Variants in ASIC2 observed in about 807,000 individuals in gnomAD.
The protein encoded by ASIC2 is acid-sensing ion channel 2.
A neutral mutation model predicts 57.3 loss-of-function variants in ASIC2; 25 were observed. The ratio of observed to expected loss-of-function variants is 0.44; its 90% CI spans 0.32 to 0.61. The LOEUF (loss-of-function observed/expected upper bound fraction) is 0.61, where lower values mean the gene tolerates loss of function less well. ASIC2 is among the 20% of genes least tolerant of loss of function. ASIC2 has a pLI of 0.06. For missense variants in ASIC2, 641 were observed against 738.1 expected (o/e 0.87, Z 1.52); for synonymous variants, 319 against 307.5 (o/e 1.04, Z -0.39).
intron 1 of ASIC2, among the ~76,000 whole-genome samples, chr17:33,380,799 T>A (rs904656000): frequency 1.4e-4 from 21 of 152,228 alleles, no homozygotes; most frequent in Admixed American, 6.5e-5. Flanking sequence ...TGCCTCATAA[T>A]TGCTGCTATT....
chr17:34,132,305 G>C (rs1912002205), intron 1 of ASIC2, among the ~76,000 whole-genome samples: 1 of 152,274 alleles, frequency 6.6e-6, no homozygotes, highest in African/African-American at 2.4e-5. Context: ...CAGACCCAAA[G>C]AGTGAGCAGC....
At chr17:33,679,015 C>G (rs58254115) in intron 1 of ASIC2, among the ~76,000 whole-genome samples, 27,954 of 152,062 alleles carry the variant, frequency 0.18, 2,774 homozygotes, top group African/African-American at 0.25. Flanking sequence ...TGTCTACAAG[C>G]AAGGTGACTT....
At chr17:33,609,292 T>G (rs933595109) in intron 1 of ASIC2, among the ~76,000 whole-genome samples, 1 of 152,186 alleles carries the variant, frequency 6.6e-6, no homozygotes, top group African/African-American at 2.4e-5. Context: ...CCCAATGCAC[T>G]TGGGATAAAC....
At chr17:33,960,744 C>T (rs17193172) in intron 1 of ASIC2, among the ~76,000 whole-genome samples, 13,966 of 152,182 alleles carry the variant, frequency 0.092, 855 homozygotes, top group Middle Eastern at 0.17. Flanking sequence ...CTAAGTCCTA[C>T]GATTCCTTCA....
intron 1 of ASIC2, among the ~76,000 whole-genome samples, chr17:34,115,324 C>A (rs568768999): frequency 3.9e-5 from 6 of 152,290 alleles, no homozygotes; most frequent in Middle Eastern, 3.4e-3. Flanking sequence ...ATCTGAATTG[C>A]AGTGCACTAG....
At chr17:33,494,302 A>T (rs1913857949) in intron 1 of ASIC2, among the ~76,000 whole-genome samples, 1 of 152,166 alleles carries the variant, frequency 6.6e-6, no homozygotes, top group Admixed American at 6.5e-5. Context: ...GACTTCTGAG[A>T]TGAGGGCCTG....
chr17:33,713,321 C>T (rs867257299), intron 1 of ASIC2, among the ~76,000 whole-genome samples: 7 of 152,104 alleles, frequency 4.6e-5, no homozygotes, highest in Non-Finnish European at 4.4e-5. Context: ...GCTAAAAGTC[C>T]AAAACTGAAG....
At chr17:33,624,030 C>G (rs985299933) in intron 1 of ASIC2, 7 of 152,226 alleles carry the variant, frequency 4.6e-5, no homozygotes, top group African/African-American at 1.7e-4. Flanking sequence ...ACTCTTCTTT[C>G]TGTGATCTTT....
At chr17:33,962,558 C>T (rs1904958208) in intron 1 of ASIC2, among the ~76,000 whole-genome samples, 1 of 152,096 alleles carries the variant, frequency 6.6e-6, no homozygotes, top group Non-Finnish European at 1.5e-5. Flanking sequence ...TGTGGGATGT[C>T]TCTTCTGTTA....
At chr17:33,388,375 T>C (rs1476052632) in intron 1 of ASIC2, among the ~76,000 whole-genome samples, 2 of 152,220 alleles carry the variant, frequency 1.3e-5, no homozygotes, top group East Asian at 3.9e-4. Flanking sequence ...AGCCCCTCAC[T>C]ACATGTGAGA....
intron 1 of ASIC2, among the ~76,000 whole-genome samples, chr17:33,883,213 G>A (rs1597915587): frequency 6.6e-6 from 1 of 152,082 alleles, no homozygotes; most frequent in African/African-American, 2.4e-5. Context: ...CCTGCACGTT[G>A]TGCACATGTA....
At chr17:34,000,181 T>C (rs1397688748) in intron 1 of ASIC2, among the ~76,000 whole-genome samples, 2 of 152,038 alleles carry the variant, frequency 1.3e-5, no homozygotes, top group Non-Finnish European at 2.9e-5. Context: ...GCTTTTCTCT[T>C]GATGCTCTTA....
intron 1 of ASIC2, among the ~76,000 whole-genome samples, chr17:33,482,916 G>A (rs1434965150): frequency 6.6e-6 from 1 of 152,214 alleles, no homozygotes; most frequent in Non-Finnish European, 1.5e-5. Flanking sequence ...TTAAAATGAA[G>A]TGTTTTCTTT....
chr17:34,090,313 A>G (rs1392047531), intron 1 of ASIC2, among the ~76,000 whole-genome samples: 3 of 152,224 alleles, frequency 2.0e-5, no homozygotes, highest in African/African-American at 7.2e-5. Flanking sequence ...TGAGAAGCAC[A>G]GTGCCTATTG....
chr17:33,907,771 C>T (rs1169452818), intron 1 of ASIC2, among the ~76,000 whole-genome samples: 1 of 152,194 alleles, frequency 6.6e-6, no homozygotes, highest in Non-Finnish European at 1.5e-5. Context: ...GCTTGTAGCG[C>T]TTTCACAATA....
intron 3 of ASIC2, among the ~76,000 whole-genome samples, chr17:33,086,079 T>C (rs528273417): frequency 1.3e-5 from 2 of 152,184 alleles, no homozygotes; most frequent in African/African-American, 4.8e-5. Flanking sequence ...CTGTTTCATA[T>C]TGGGAAGGGA....
rs1401574984 is a variant in ASIC2, at chr17:33,249,999, G to T, written c.708+41409C>A. Among the ~76,000 whole-genome samples the T allele has an allele frequency of 4.8e-4, 73 of 152,190 alleles. 1 individual carries two copies. Among genetic ancestry groups the T allele is most frequent in the Admixed American group, 4.8e-3 (73 of 15,280 alleles). ...ACAGGCCAGGAGATCAGGAAACAAA[G>T]AGGGCATTGGGAATCAGGGATTCTT... On this transcript the variant is annotated intron_variant, in intron 1 of 9. Coordinates refer to ENST00000225823, the MANE Select transcript of ASIC2 (RefSeq NM_183377.2).
intron 1 of ASIC2, among the ~76,000 whole-genome samples, chr17:33,859,565 G>T (rs1914051949): frequency 1.3e-5 from 2 of 152,190 alleles, no homozygotes; most frequent in South Asian, 4.1e-4. Flanking sequence ...GGCTGGGGCT[G>T]CAGGGAAGAT....
At chr17:33,163,069 G>A (rs1014897139) in intron 1 of ASIC2, among the ~76,000 whole-genome samples, 5 of 152,168 alleles carry the variant, frequency 3.3e-5, no homozygotes, top group Non-Finnish European at 7.3e-5. Context: ...TGTCCCCAGG[G>A]TGCTCATTCT....
Sources: allele counts gnomAD v4.1 joint callset (sites outside exome capture counted in the v4.1 genomes callset), GRCh38; gene constraint gnomAD v4.1.1; transcripts MANE v1.5; gene names NCBI Gene and HGNC (gene_info 2026-07-23, HGNC 2026-07-21).